The following LOC128462377 variants were observed in gnomAD, a reference collection of about 807,000 sequenced individuals.
chr16:89,360,693 G>T, the LOC128462377 span: 1 of 152,204 alleles, frequency 6.6e-6, no homozygotes, highest in Non-Finnish European at 1.5e-5. Context: ...AGCTTCATCT[G>T]TCATACGTGG....
the LOC128462377 span, among the ~76,000 whole-genome samples, chr16:89,350,048 C>T: frequency 6.6e-6 from 1 of 152,148 alleles, no homozygotes; most frequent in Non-Finnish European, 1.5e-5. Flanking sequence ...TTCACCAAAG[C>T]AAATACATGG....
chr16:89,384,879 C>CTTTTTCTTTTTTTTTTTTTTTTT, the LOC128462377 span, among the ~76,000 whole-genome samples: 1 of 49,910 alleles, frequency 2.0e-5, no homozygotes, highest in African/African-American at 7.9e-5. Context: ...AAATAGTTTT[C>CTTTTTCTTTTTTTTTTTTTTTTT]TTTTTTTTTT....
chr16:89,366,846 T>C, the LOC128462377 span, among the ~76,000 whole-genome samples: 1 of 152,214 alleles, frequency 6.6e-6, no homozygotes, highest in Non-Finnish European at 1.5e-5. Context: ...ACACACACTT[T>C]GGGCTTTGCA....
At chr16:89,377,135 G>C in the LOC128462377 span, among the ~76,000 whole-genome samples, 15 of 152,216 alleles carry the variant, frequency 9.9e-5, no homozygotes, top group Non-Finnish European at 1.9e-4. Context: ...AACCCCGTGA[G>C]TTCAACAGCA....
At chr16:89,398,304 C>T in the LOC128462377 span, among the ~76,000 whole-genome samples, 1 of 149,070 alleles carries the variant, frequency 6.7e-6, no homozygotes, top group Admixed American at 6.7e-5. Flanking sequence ...GGGAGGCTGA[C>T]ATGAGGGACA....
the LOC128462377 span, among the ~76,000 whole-genome samples, chr16:89,403,070 C>A: frequency 6.6e-6 from 1 of 152,194 alleles, no homozygotes; most frequent in South Asian, 2.1e-4. Context: ...GGCGGGTGGC[C>A]TGGAACGCTG....
the LOC128462377 span, among the ~76,000 whole-genome samples, chr16:89,385,884 C>T: frequency 4.6e-5 from 7 of 152,242 alleles, no homozygotes; most frequent in Admixed American, 2.6e-4. Context: ...TGACCGTTCC[C>T]TCCGTAGGCA....
At chr16:89,386,607 C>A in the LOC128462377 span, among the ~76,000 whole-genome samples, 1 of 152,184 alleles carries the variant, frequency 6.6e-6, no homozygotes, top group African/African-American at 2.4e-5. Flanking sequence ...CCAAAAGCAC[C>A]CTACAGGACA....
At chr16:89,355,951 G>A in the LOC128462377 span, among the ~76,000 whole-genome samples, 8 of 152,180 alleles carry the variant, frequency 5.3e-5, no homozygotes, top group African/African-American at 1.9e-4. Context: ...ACTCGCCCAA[G>A]ACCACCAGAA....
the LOC128462377 span, among the ~76,000 whole-genome samples, chr16:89,397,735 C>T: frequency 6.6e-6 from 1 of 152,230 alleles, no homozygotes; most frequent in African/African-American, 2.4e-5. Flanking sequence ...GAAGATGATG[C>T]AGAAGCCTCT....
chr16:89,323,412 G>A, the LOC128462377 span: 5 of 1,169,846 alleles, frequency 4.3e-6, no homozygotes, highest in Middle Eastern at 2.4e-4. Flanking sequence ...CCCAGGGCAG[G>A]GGGGCTGAGC....
At chr16:89,365,575 T>C in the LOC128462377 span, among the ~76,000 whole-genome samples, 1 of 152,248 alleles carries the variant, frequency 6.6e-6, no homozygotes, top group African/African-American at 2.4e-5. Flanking sequence ...AGCTCTTATG[T>C]CTTGTGTATG....
the LOC128462377 span, chr16:89,321,295 GGT>G: frequency 2.0e-3 from 309 of 152,522 alleles, 2 homozygotes; most frequent in Middle Eastern, 6.8e-3. Flanking sequence ...AGCAGGCACT[GGT>G]GGGGAATCCG....
chr16:89,318,520 G>T, the LOC128462377 span, among the ~76,000 whole-genome samples: 2 of 152,146 alleles, frequency 1.3e-5, no homozygotes, highest in African/African-American at 4.8e-5. Context: ...TACCCATCTC[G>T]CTCATGCACG....
chr16:89,344,104 C>T, the LOC128462377 span, among the ~76,000 whole-genome samples: 1 of 152,192 alleles, frequency 6.6e-6, no homozygotes, highest in African/African-American at 2.4e-5. Flanking sequence ...GCCTCAATCT[C>T]CTCATCTATA....
chr16:89,373,577 T>C, the LOC128462377 span: 2 of 152,248 alleles, frequency 1.3e-5, no homozygotes, highest in Non-Finnish European at 2.9e-5. Context: ...ACACCAGCGA[T>C]TCGAGAGAAA....
At chr16:89,337,331 A>G in the LOC128462377 span, among the ~76,000 whole-genome samples, 1 of 151,070 alleles carries the variant, frequency 6.6e-6, no homozygotes, top group Non-Finnish European at 1.5e-5. Flanking sequence ...GACCAAGCCC[A>G]GCTGAGCACT....
chr16:89,388,944 G>GA, the LOC128462377 span, among the ~76,000 whole-genome samples: 2 of 152,214 alleles, frequency 1.3e-5, no homozygotes, highest in Non-Finnish European at 2.9e-5. Context: ...CAAAGCCCAA[G>GA]ATGACTTACA....
At chr16:89,393,469 G>A in the LOC128462377 span, among the ~76,000 whole-genome samples, 23 of 149,050 alleles carry the variant, frequency 1.5e-4, no homozygotes, top group Admixed American at 6.0e-4. Context: ...GATTACAGGC[G>A]TGTGCCACCA....
Sources: gnomAD v4.1 joint callset for allele counts (sites outside exome capture counted in the v4.1 genomes callset) on GRCh38, gnomAD v4.1.1 for gene constraint, MANE v1.5 for transcripts.